The following ATP8B1 variants were observed in gnomAD, a reference collection of about 807,000 sequenced individuals.
ATP8B1 encodes the protein phospholipid-transporting ATPase IC.
A neutral mutation model predicts 149.9 loss-of-function variants in ATP8B1; 80 were observed. That is an observed-to-expected ratio of 0.53 (90% CI 0.45 to 0.64). The LOEUF (loss-of-function observed/expected upper bound fraction) is 0.64. Ranked by LOEUF, ATP8B1 falls within the 30% of genes least tolerant of loss-of-function variation. The pLI is 0.00. For missense variants in ATP8B1, 1,247 were observed against 1,552.6 expected (o/e 0.80, Z 3.31); for synonymous variants, 536 against 562.8 (o/e 0.95, Z 0.67).
chr18:57,651,916 G>A (rs1278352520), intron 26 of ATP8B1, 118 bp downstream of exon 26: 1 of 1,294,544 alleles, frequency 7.7e-7, no homozygotes, highest in African/African-American at 1.5e-5. Flanking sequence ...TTACAGGTGT[G>A]AGCCACTGTG....
intron 17 of ATP8B1, among the ~76,000 whole-genome samples, chr18:57,670,582 C>A (rs562582730): frequency 6.6e-6 from 1 of 152,042 alleles, no homozygotes; most frequent in Admixed American, 6.5e-5. Flanking sequence ...GATCTGTTAA[C>A]CTCGTGATCT....
chr18:57,743,808 A>G (rs1435997618), intron 1 of ATP8B1, among the ~76,000 whole-genome samples: 2 of 152,128 alleles, frequency 1.3e-5, no homozygotes, highest in African/African-American at 4.8e-5. Context: ...CTGCAAAGGA[A>G]AGAAATCTGA....
intron 24 of ATP8B1, among the ~76,000 whole-genome samples, chr18:57,653,367 T>C (rs551999191): frequency 3.4e-5 from 5 of 149,026 alleles, no homozygotes; most frequent in African/African-American, 1.2e-4. Flanking sequence ...TCACTGCAGC[T>C]TCAACCTTCC....
intron 2 of ATP8B1, among the ~76,000 whole-genome samples, chr18:57,710,850 G>A (rs901648167): frequency 2.0e-5 from 3 of 152,126 alleles, no homozygotes; most frequent in African/African-American, 7.2e-5. Flanking sequence ...GGCCAGACTG[G>A]TCTTGAACTC....
At chr18:57,770,934 G>T (rs2080258438) in intron 1 of ATP8B1, among the ~76,000 whole-genome samples, 1 of 152,216 alleles carries the variant, frequency 6.6e-6, no homozygotes, top group African/African-American at 2.4e-5. Context: ...CACGATCTCG[G>T]CTCACTGCAA....
intron 1 of ATP8B1, among the ~76,000 whole-genome samples, chr18:57,742,701 G>A (rs1464191627): frequency 6.6e-6 from 1 of 151,970 alleles, no homozygotes; most frequent in Non-Finnish European, 1.5e-5. Flanking sequence ...CTGGGCACCT[G>A]TAGTCCCAGC....
At chr18:57,710,922 A>G (rs1339722606) in intron 2 of ATP8B1, among the ~76,000 whole-genome samples, 1 of 152,232 alleles carries the variant, frequency 6.6e-6, no homozygotes, top group African/African-American at 2.4e-5. Flanking sequence ...GGCATGAGCC[A>G]CTGTACCTGG....
intron 22 of ATP8B1, among the ~76,000 whole-genome samples, chr18:57,657,072 T>C (rs1483472155): frequency 6.6e-6 from 1 of 152,118 alleles, no homozygotes; most frequent in East Asian, 1.9e-4. Context: ...GGTGGTTTGC[T>C]GCACCTATTG....
intron 21 of ATP8B1, among the ~76,000 whole-genome samples, chr18:57,661,696 C>CACACACACATAT (rs775312497): frequency 3.3e-5 from 3 of 90,400 alleles, no homozygotes; most frequent in Admixed American, 1.3e-4. Flanking sequence ...CACACACACA[C>CACACACACATAT]ATATATATAT....
Position 57,648,289 on chromosome 18 carries a change from T to A in ATP8B1, c.*199A>T. On this transcript the variant is annotated 3_prime_UTR_variant, in exon 28 of 28. Transcript: ENST00000648908. ...ACCTGAGCCACCACGCCCGGCCGAA[T>A]AATAGGACTTTTAAAAGTCCTATTT... 1.4e-6 allele frequency: 1 copy of A among 720,564 alleles called. No individual in the cohort carries two copies. Among genetic ancestry groups the A allele is most frequent in the Non-Finnish European group, 2.4e-6 (1 of 424,010 alleles). 44.6% of individuals were successfully genotyped at this position (720,564 alleles called of 1,614,324 possible). A position where few individuals can be genotyped will look rare whatever the true frequency, so the allele number is the denominator to read the frequency against.
intron 6 of ATP8B1, among the ~76,000 whole-genome samples, chr18:57,699,835 G>T (rs1913029797): frequency 6.6e-6 from 1 of 152,166 alleles, no homozygotes; most frequent in Non-Finnish European, 1.5e-5. Context: ...TTACAGGCGT[G>T]AGCCACCGTG....
At chr18:57,658,721 A>G (rs1238635767) in intron 22 of ATP8B1, among the ~76,000 whole-genome samples, 1 of 151,038 alleles carries the variant, frequency 6.6e-6, no homozygotes, top group Non-Finnish European at 1.5e-5. Flanking sequence ...GGTGGAGTGC[A>G]GTGGCACAAA....
At chr18:57,710,697 C>T (rs1160248786) in intron 2 of ATP8B1, among the ~76,000 whole-genome samples, 1 of 152,158 alleles carries the variant, frequency 6.6e-6, no homozygotes, top group African/African-American at 2.4e-5. Flanking sequence ...TCCAATGATG[C>T]GATCTCAGCT....
At chr18:57,785,226 CA>C (rs1248876537) in intron 1 of ATP8B1, among the ~76,000 whole-genome samples, 1 of 152,174 alleles carries the variant, frequency 6.6e-6, no homozygotes, top group African/African-American at 2.4e-5. Context: ...AACATAAACC[CA>C]AAATAGAGCA....
rs1271430970 is a variant in ATP8B1, at chr18:57,675,133, A to G, written c.1631-111T>C. The G allele has an allele frequency of 2.9e-6, 3 of 1,052,626 alleles. No homozygotes were observed. In the African/African-American group the frequency reaches 4.8e-5, roughly 17 times the overall value. 65.2% of individuals were successfully genotyped at this position (1,052,626 alleles called of 1,614,324 possible). Reference sequence around the variant, plus strand: ...GGGGTCAGATGGGCTGCAAAGCCCAAAACATCCCCAGGAAAACGAGTCATT... The same window carrying G: ...GGGGTCAGATGGGCTGCAAAGCCCAGAACATCCCCAGGAAAACGAGTCATT... On this transcript the variant is annotated intron_variant, in intron 15 of 27. Coordinates refer to ENST00000648908, the MANE Select transcript of ATP8B1 (RefSeq NM_001374385.1).
At chr18:57,669,837 A>C (rs1332226479) in intron 17 of ATP8B1, among the ~76,000 whole-genome samples, 1 of 152,026 alleles carries the variant, frequency 6.6e-6, no homozygotes, top group Non-Finnish European at 1.5e-5. Context: ...TTTTTTGTAG[A>C]GATGGGGTTT....
At chr18:57,654,782 G>A (rs1054060083) in intron 23 of ATP8B1, among the ~76,000 whole-genome samples, 9 of 148,602 alleles carry the variant, frequency 6.1e-5, no homozygotes, top group African/African-American at 2.2e-4. Context: ...TGCCTCCCAG[G>A]TTCAAGCGAT....
At chr18:57,727,469 A>C (rs2079720086) in intron 2 of ATP8B1, among the ~76,000 whole-genome samples, 1 of 152,116 alleles carries the variant, frequency 6.6e-6, no homozygotes, top group African/African-American at 2.4e-5. Flanking sequence ...AAGACCCCAC[A>C]TTCTTAATTC....
chr18:57,778,377 C>T (rs2080327909), intron 1 of ATP8B1, among the ~76,000 whole-genome samples: 2 of 151,912 alleles, frequency 1.3e-5, no homozygotes, highest in African/African-American at 2.4e-5. Context: ...AGGCGCCCGC[C>T]GCTACGCCCG....
Sources: allele counts gnomAD v4.1 joint callset (sites outside exome capture counted in the v4.1 genomes callset), GRCh38; gene constraint gnomAD v4.1.1; transcripts MANE v1.5; gene names NCBI Gene and HGNC (gene_info 2026-07-23, HGNC 2026-07-21).